TSPAN33: variants seen among roughly 807,000 people sequenced by gnomAD.
The protein encoded by TSPAN33 is tetraspanin 33, also known as tetraspanin-33.
A neutral mutation model predicts 34.8 loss-of-function variants in TSPAN33; 27 were observed. The observed-to-expected ratio is 0.78, with a 90% CI of 0.57 to 1.07. The LOEUF (loss-of-function observed/expected upper bound fraction) is 1.07, where lower values mean the gene tolerates loss of function less well. TSPAN33 is among the 50% of genes least tolerant of loss of function. TSPAN33 has a pLI of 0.00. For synonymous variants in TSPAN33, 119 were observed against 124.2 expected (o/e 0.96, Z 0.28); for missense variants, 272 against 324.9 (o/e 0.84, Z 1.25).
In TSPAN33 at chr7:129,167,646, G is replaced by T; in HGVS notation, c.750+86G>T. The T allele has an allele frequency of 6.4e-7, 1 of 1,565,756 alleles. No homozygotes were observed. The highest frequency in any genetic ancestry group is 8.7e-7 in the Non-Finnish European group (1 of 1,144,634). ...GGAAGGCACCTGGGGATCAGCGAGG[G>T]TGTCAGGCACTGACATGGCTGAGGG... On this transcript the variant is annotated intron_variant, in intron 7 of 7. Transcript: ENST00000486685. The surrounding 1 kb of genome is among the most constrained non-coding windows in gnomAD (Gnocchi z 4.6).
At chr7:129,145,143 C>T in intron 1 of TSPAN33, 61 bp downstream of exon 1, 1 of 589,208 alleles carries the variant, frequency 1.7e-6, no homozygotes, top group South Asian at 1.9e-5. Flanking sequence ...GGAAGGGTGG[C>T]CCGGGGTGCC....
In TSPAN33 at chr7:129,147,994, G is replaced by C. The variant is rs188751576; in HGVS notation, c.102+2912G>C. 1.6e-3 allele frequency among the ~76,000 whole-genome samples: 239 copies of C among 152,238 alleles called. 1 individual carries two copies. Among genetic ancestry groups the C allele is most frequent in the African/African-American group, 4.8e-3 (201 of 41,534 alleles). ...GGGTTACTGACTGTGGGGATTCCAT[G>C]GCCTGGAGTAGCTGCTCTAAGATCC... is the stretch of plus-strand genomic sequence containing the variant. On this transcript the variant is annotated intron_variant, in intron 1 of 7. Coordinates refer to ENST00000486685, the MANE Select transcript of TSPAN33 (RefSeq NM_178562.5).
At chr7:129,161,616 A>G in intron 1 of TSPAN33, 63 bp from the exon 2 acceptor site, 1 of 1,543,592 alleles carries the variant, frequency 6.5e-7, no homozygotes, top group Non-Finnish European at 9.0e-7. Flanking sequence ...TAGGTTTCTC[A>G]TGGCATTCAG....
chr7:129,152,789 TGGCTCACACCTGTAATCCTAGCACTTGGG>T (rs1810614160), intron 1 of TSPAN33, among the ~76,000 whole-genome samples: 1 of 151,350 alleles, frequency 6.6e-6, no homozygotes, highest in Non-Finnish European at 1.5e-5. Context: ...CGAACGCGGG[TGGCTCACACCTGTAATCCTAGCACTTGGG>T]GAGGCCAAGG....
chr7:129,153,083 GAAAA>G (rs1810622980), intron 1 of TSPAN33, among the ~76,000 whole-genome samples: 4 of 113,798 alleles, frequency 3.5e-5, no homozygotes, highest in Admixed American at 8.6e-5. Context: ...AAAAAAAAAA[GAAAA>G]AGAAAAAGAA....
At chr7:129,156,863 A>C (rs1810671413) in intron 1 of TSPAN33, among the ~76,000 whole-genome samples, 1 of 152,118 alleles carries the variant, frequency 6.6e-6, no homozygotes, top group African/African-American at 2.4e-5. Flanking sequence ...GTGATCATTC[A>C]CCTTTCATAG....
rs116123532 is a variant in TSPAN33, at chr7:129,148,370, G to A, written c.102+3288G>A. On this transcript the variant is annotated intron_variant, in intron 1 of 7. Transcript: ENST00000486685. The surrounding 1 kb of genome is among the most constrained non-coding windows in gnomAD (Gnocchi z 4.2). The stretch of plus-strand genomic sequence containing the variant: ...GTGCTGCAATTGTGTTTACTTCTCC[G>A]TCTCCCCCTCTAGACTTCGGGCTCT... Among the ~76,000 whole-genome samples, 41 of 152,190 alleles carry A rather than the reference G, an allele frequency of 2.7e-4. No homozygotes were observed. Among genetic ancestry groups the A allele is most frequent in the African/African-American group, 8.4e-4 (35 of 41,518 alleles).
At chr7:129,159,131 G>A (rs1185751784) in intron 1 of TSPAN33, among the ~76,000 whole-genome samples, 1 of 151,334 alleles carries the variant, frequency 6.6e-6, no homozygotes, top group Non-Finnish European at 1.5e-5. Flanking sequence ...CATGATCTCG[G>A]CTCACTGCAA....
intron 1 of TSPAN33, among the ~76,000 whole-genome samples, chr7:129,149,716 G>A (rs1258048033): frequency 1.3e-5 from 2 of 152,218 alleles, no homozygotes; most frequent in Non-Finnish European, 2.9e-5. Flanking sequence ...AGCCAGCCGT[G>A]GCCTGAGGAA....
At chr7:129,149,286 G>A (rs1991646) in intron 1 of TSPAN33, among the ~76,000 whole-genome samples, 111,739 of 152,178 alleles carry the variant, frequency 0.73, 41,474 homozygotes, top group Non-Finnish European at 0.78. Flanking sequence ...GGCTGGGCGC[G>A]GTGGCTCATG....
chr7:129,151,636 AT>A (rs1371037787), intron 1 of TSPAN33, among the ~76,000 whole-genome samples: 2 of 151,776 alleles, frequency 1.3e-5, no homozygotes, highest in Non-Finnish European at 2.9e-5. Context: ...AATCATGACT[AT>A]TTTTTCCCAA....
rs754349241 is a variant in TSPAN33, at chr7:129,167,424, A to C, written c.614A>C (p.Gln205Pro). ...GCAGTGATCAACACTATGTGTGGCC[A>C]AGGTATGCAGGCCTTTGACTACTTG... ...DQAVINTMCGQGMQAFDYLEA... is the reference protein window; with the variant it reads ...DQAVINTMCGPGMQAFDYLEA... Residue 205 changes from glutamine (Q) to proline (P), a missense_variant, in exon 7 of 8, where the codon CAA becomes CCA. Transcript: ENST00000486685. This position sits in a 1 kb window ranked among gnomAD's most constrained non-coding sequence, Gnocchi z 4.6. 3 of 1,613,968 alleles carry C rather than the reference A, an allele frequency of 1.9e-6. No homozygotes were observed. The highest frequency in any genetic ancestry group is 8.5e-7 in the Non-Finnish European group (1 of 1,179,946).
chr7:129,166,714 A>T lies in TSPAN33; in HGVS notation c.460-64A>T, dbSNP rs1793145760. The stretch of plus-strand genomic sequence containing the variant: ...CTATAGACTTTTGGTGGCTCTGAGA[A>T]TTCCCCTGGTCACCTCAGTGTGAGG... On this transcript the variant is annotated intron_variant, in intron 5 of 7. Transcript: ENST00000486685. 5 of 1,577,262 alleles carry T rather than the reference A, an allele frequency of 3.2e-6. No individual in the cohort carries two copies. In the African/African-American group the frequency reaches 6.8e-5, roughly 21 times the overall value.
chr7:129,167,630 C>G lies in TSPAN33; in HGVS notation c.750+70C>G, dbSNP rs1793162413. 1 of 1,583,432 alleles carries G rather than the reference C, an allele frequency of 6.3e-7. No homozygotes were observed. The highest frequency in any genetic ancestry group is 8.6e-7 in the Non-Finnish European group (1 of 1,159,338). On this transcript the variant is annotated intron_variant, in intron 7 of 7. Coordinates refer to ENST00000486685, the MANE Select transcript of TSPAN33 (RefSeq NM_178562.5). This position sits in a 1 kb window ranked among gnomAD's most constrained non-coding sequence, Gnocchi z 4.6. Reference sequence around the variant, plus strand: ...GACTCCTTTGTTTTGGGGAAGGCACCTGGGGATCAGCGAGGGTGTCAGGCA... The same window carrying G: ...GACTCCTTTGTTTTGGGGAAGGCACGTGGGGATCAGCGAGGGTGTCAGGCA...
intron 1 of TSPAN33, among the ~76,000 whole-genome samples, chr7:129,147,847 G>A (rs947505023): frequency 7.2e-5 from 11 of 152,184 alleles, no homozygotes; most frequent in African/African-American, 2.7e-4. Context: ...GGGGCATTTG[G>A]AGTCTGACTC....
chr7:129,163,509 T>C (rs1275434810), intron 4 of TSPAN33, among the ~76,000 whole-genome samples: 1 of 152,064 alleles, frequency 6.6e-6, no homozygotes, highest in Non-Finnish European at 1.5e-5. Flanking sequence ...TTTTGAACAA[T>C]GCTTGCCATA....
chr7:129,167,966 G>A lies in TSPAN33; in HGVS notation c.*92G>A. 1 of 1,520,292 alleles carries A rather than the reference G, an allele frequency of 6.6e-7. No homozygotes were observed. The highest frequency in any genetic ancestry group is 1.3e-5 in the South Asian group (1 of 79,092). The allele number at this position is 1,520,292 out of a possible 1,614,324, so 94.2% of individuals were successfully genotyped here. A position where few individuals can be genotyped will look rare whatever the true frequency, so the allele number is the denominator to read the frequency against. ...GAAAGCAGCACCAAATGGAGATTTG[G>A]ATTCCAGCCCCCCAGTGACAGCCCA... On this transcript the variant is annotated 3_prime_UTR_variant, in exon 8 of 8. Coordinates refer to ENST00000486685, the MANE Select transcript of TSPAN33 (RefSeq NM_178562.5). This position sits in a 1 kb window ranked among gnomAD's most constrained non-coding sequence, Gnocchi z 4.6.
At chr7:129,145,510 A>T (rs1342446783) in intron 1 of TSPAN33, among the ~76,000 whole-genome samples, 1 of 151,878 alleles carries the variant, frequency 6.6e-6, no homozygotes, top group Non-Finnish European at 1.5e-5. Flanking sequence ...CTCAGAGAGG[A>T]TGGGTTACTG....
chr7:129,157,462 A>T (rs527580205), intron 1 of TSPAN33, among the ~76,000 whole-genome samples: 1 of 152,164 alleles, frequency 6.6e-6, no homozygotes, highest in Non-Finnish European at 1.5e-5. Context: ...CATATTAAAT[A>T]TTAATAATAA....
Sources: gnomAD v4.1 joint callset for allele counts (sites outside exome capture counted in the v4.1 genomes callset) on GRCh38, gnomAD v4.1.1 for gene constraint, Gnocchi (gnomAD v3.1) non-coding constraint, MANE v1.5 for transcripts, NCBI Gene and HGNC (gene_info 2026-07-23, HGNC 2026-07-21) for gene names.